FAM219A: variants seen among roughly 807,000 people sequenced by gnomAD.
The protein encoded by FAM219A is family with sequence similarity 219 member A.
FAM219A carries 7 observed loss-of-function variants against 23.4 expected under a neutral mutation model. The ratio of observed to expected loss-of-function variants is 0.30; its 90% CI spans 0.17 to 0.56. The LOEUF is 0.56. FAM219A is among the 20% of genes least tolerant of loss of function. FAM219A has a pLI of 0.92. For synonymous variants in FAM219A, 93 were observed against 99.0 expected (o/e 0.94, Z 0.36); for missense variants, 166 against 246.9 (o/e 0.67, Z 2.20).
At chr9:34,412,373 T>C (rs1588038306) in intron 1 of FAM219A, among the ~76,000 whole-genome samples, 1 of 151,848 alleles carries the variant, frequency 6.6e-6, no homozygotes, top group Non-Finnish European at 1.5e-5. Context: ...TTGGGAAGAG[T>C]ACTAATTATT....
intron 1 of FAM219A, among the ~76,000 whole-genome samples, chr9:34,422,448 G>A (rs1822317225): frequency 6.6e-6 from 1 of 152,200 alleles, no homozygotes; most frequent in Admixed American, 6.5e-5. Flanking sequence ...CTTAGATAAA[G>A]TCATGAGATT....
intron 1 of FAM219A, among the ~76,000 whole-genome samples, chr9:34,418,205 A>G (rs1822106966): frequency 6.6e-6 from 1 of 152,278 alleles, no homozygotes; most frequent in African/African-American, 2.4e-5. Context: ...GATGGTAAAA[A>G]AAAAAAAAAA....
chr9:34,402,178 C>T lies in FAM219A; in HGVS notation c.344+209G>A, dbSNP rs1371378249. ...TGTCCCAGGATGACAGCAGACAACG[C>T]AGGCCCCCCTTTCCTCTCTCTGCCA... On this transcript the variant is annotated intron_variant, in intron 4 of 5. Transcript: ENST00000651358. 3.3e-6 allele frequency: 5 copies of T among 1,497,668 alleles called. No individual in the cohort carries two copies. In the East Asian group the frequency reaches 7.4e-5, roughly 22 times the overall value. The allele number at this position is 1,497,668 out of a possible 1,614,324, so 92.8% of individuals were successfully genotyped here. A position where few individuals can be genotyped will look rare whatever the true frequency, so the allele number is the denominator to read the frequency against.
At chr9:34,419,193 C>G (rs1027242757) in intron 1 of FAM219A, among the ~76,000 whole-genome samples, 1 of 151,992 alleles carries the variant, frequency 6.6e-6, no homozygotes, top group Non-Finnish European at 1.5e-5. Flanking sequence ...AGGACCTAGG[C>G]AGCAAAATAA....
At position 34,458,309 on chromosome 9, in the gene FAM219A, G is replaced by A. The variant is rs1055292402; in HGVS notation, c.-46C>T. The A allele has an allele frequency of 1.7e-5, 22 of 1,310,916 alleles. No individual in the cohort carries two copies. Among genetic ancestry groups the A allele is most frequent in the Admixed American group, 7.3e-5 (2 of 27,506 alleles). 81.2% of individuals were successfully genotyped at this position (1,310,916 alleles called of 1,614,324 possible). ...CCAGGGGCCGGGCGCGGCCGCGGAC[G>A]CCGACAGGACCGCGCGGGGCGGCGG... On this transcript the variant is annotated 5_prime_UTR_variant, in exon 1 of 6. Transcript: ENST00000651358. The surrounding 1 kb of genome is among the most constrained non-coding windows in gnomAD (Gnocchi z 6.6).
In FAM219A at chr9:34,417,014, T is replaced by C. The variant is rs928030764; in HGVS notation, c.61-11050A>G. Among the ~76,000 whole-genome samples, 7 of 151,746 alleles carry C rather than the reference T, an allele frequency of 4.6e-5. No homozygotes were observed. Among genetic ancestry groups the C allele is most frequent in the Non-Finnish European group, 1.0e-4 (7 of 67,956 alleles). On this transcript the variant is annotated intron_variant, in intron 1 of 5. Transcript: ENST00000651358. The surrounding 1 kb of genome is among the most constrained non-coding windows in gnomAD (Gnocchi z 4.1). ...AGCTTTATCTTCTCCTTCTTCCTTC[T>C]TCCTTCTTCCCTCTTCCCTCCTCCT... is the stretch of plus-strand genomic sequence containing the variant.
At chr9:34,431,159 C>T (rs1822684033) in intron 1 of FAM219A, among the ~76,000 whole-genome samples, 1 of 152,230 alleles carries the variant, frequency 6.6e-6, no homozygotes, top group South Asian at 2.1e-4. Context: ...AGCAGCCTAG[C>T]TGCCTGGCCA....
At chr9:34,431,896 G>T (rs557903748) in intron 1 of FAM219A, among the ~76,000 whole-genome samples, 1 of 152,218 alleles carries the variant, frequency 6.6e-6, no homozygotes, top group Admixed American at 6.5e-5. Context: ...ATATGTGCAC[G>T]CATGTGTGAA....
chr9:34,401,192 C>A, intron 5 of FAM219A, 70 bp from the exon 6 acceptor site: 1 of 1,558,422 alleles, frequency 6.4e-7, no homozygotes, highest in South Asian at 1.2e-5. Context: ...TGCGGCCACT[C>A]CAGGCCGTCT....
chr9:34,435,129 T>C (rs1822855788), intron 1 of FAM219A, among the ~76,000 whole-genome samples: 2 of 152,164 alleles, frequency 1.3e-5, no homozygotes, highest in Admixed American at 1.3e-4. Flanking sequence ...CCAGTGTTGA[T>C]GATTTTCTGT....
At chr9:34,408,140 G>A (rs1821706205) in intron 1 of FAM219A, among the ~76,000 whole-genome samples, 1 of 152,228 alleles carries the variant, frequency 6.6e-6, no homozygotes, top group African/African-American at 2.4e-5. Flanking sequence ...GTAGAAGAAG[G>A]GCAGGAGGCT....
chr9:34,427,109 T>G (rs1822514772), intron 1 of FAM219A, among the ~76,000 whole-genome samples: 2 of 152,216 alleles, frequency 1.3e-5, no homozygotes, highest in Admixed American at 1.3e-4. Context: ...CAATATCCTT[T>G]TTAACCTCAT....
intron 1 of FAM219A, among the ~76,000 whole-genome samples, chr9:34,425,669 C>G (rs961493223): frequency 4.6e-5 from 7 of 152,152 alleles, no homozygotes; most frequent in African/African-American, 1.7e-4. Flanking sequence ...ACACTGACAC[C>G]TATGAGTGAG....
intron 1 of FAM219A, among the ~76,000 whole-genome samples, chr9:34,424,188 A>G (rs1232478522): frequency 1.3e-5 from 2 of 152,184 alleles, no homozygotes; most frequent in Non-Finnish European, 2.9e-5. Context: ...CTCTTGTATG[A>G]CAAGAGAGAC....
rs1002352 is a variant in FAM219A at position 34,399,004 on chromosome 9, C to A, written c.*1960G>T. 109,403 of 152,122 alleles carry A rather than the reference C, an allele frequency of 0.72. 40,747 individuals carry two copies. The highest frequency in any genetic ancestry group is 0.83 in the Non-Finnish European group (56,936 of 68,214). 9.4% of individuals were successfully genotyped at this position (152,122 alleles called of 1,614,324 possible). On this transcript the variant is annotated 3_prime_UTR_variant, in exon 6 of 6. Coordinates refer to ENST00000651358, the MANE Select transcript of FAM219A (RefSeq NM_001184940.2). ...CTGTACCCCAATATTTTGGAGCTGG[C>A]AGTTCCTGGGTATGATGCAGGGAGA...
intron 1 of FAM219A, among the ~76,000 whole-genome samples, chr9:34,427,155 G>A (rs1476004498): frequency 6.6e-6 from 1 of 151,996 alleles, no homozygotes; most frequent in African/African-American, 2.4e-5. Context: ...ACATCCTTCA[G>A]GCCTCAGCTG....
rs77382651 is a variant in FAM219A, at chr9:34,436,849, T to C, written c.60+21355A>G. ...TTCATGGGTGTCATATTACCTACTTTGCAAGGCTGGTGTTAGAATGAGATG... is the reference window on the plus strand; with the variant it reads ...TTCATGGGTGTCATATTACCTACTTCGCAAGGCTGGTGTTAGAATGAGATG... On this transcript the variant is annotated intron_variant, in intron 1 of 5. Transcript: ENST00000651358. Among the ~76,000 whole-genome samples the C allele has an allele frequency of 3.5e-3, 526 of 152,352 alleles. 3 individuals carry two copies. The highest frequency in any genetic ancestry group is 0.012 in the African/African-American group (496 of 41,584).
intron 1 of FAM219A, among the ~76,000 whole-genome samples, chr9:34,419,503 C>A (rs1185926079): frequency 6.6e-6 from 1 of 152,054 alleles, no homozygotes; most frequent in Non-Finnish European, 1.5e-5. Context: ...GATTCCAGTT[C>A]TTCAAGATAA....
At chr9:34,434,176 T>C (rs560224921) in intron 1 of FAM219A, among the ~76,000 whole-genome samples, 1 of 120,320 alleles carries the variant, frequency 8.3e-6, no homozygotes, top group Admixed American at 1.2e-4. Context: ...CACTCCAGCC[T>C]GGGCAACAGA....
Sources: gnomAD v4.1 joint callset for allele counts (sites outside exome capture counted in the v4.1 genomes callset) on GRCh38, gnomAD v4.1.1 for gene constraint, Gnocchi (gnomAD v3.1) non-coding constraint, MANE v1.5 for transcripts, NCBI Gene and HGNC (gene_info 2026-07-23, HGNC 2026-07-21) for gene names.